PCDHGA3: variants seen among roughly 807,000 people sequenced by gnomAD.
PCDHGA3 encodes protocadherin gamma subfamily A, 3, also known as protocadherin gamma-A3.
Under a neutral mutation model 58.5 loss-of-function variants are expected in PCDHGA3, and 40 were observed. The observed-to-expected ratio is 0.68, with a 90% confidence interval of 0.53 to 0.89. PCDHGA3 has a LOEUF of 0.89. Ranked by LOEUF, PCDHGA3 falls within the 40% of genes least tolerant of loss-of-function variation. PCDHGA3 has a pLI of 0.00. For synonymous variants in PCDHGA3, 530 were observed against 525.7 expected (o/e 1.01, Z -0.11); for missense variants, 1,223 against 1,195.9 (o/e 1.02, Z -0.33).
At position 141,346,330 on chromosome 5, in the gene PCDHGA3, G is replaced by T. The variant is rs771815344; in HGVS notation, c.2297G>T (p.Ser766Ile). The change falls in exon 1 of 4, where the codon AGC becomes ATC. Residue 766 changes from serine (S) to isoleucine (I), a missense_variant. Ser to Ile is a moderately radical substitution (Grantham distance 142). Around this residue, in one of 3 missense-constraint regions of PCDHGA3, gnomAD observed 325 missense variants for 327.5 expected, o/e 0.99. Transcript: ENST00000253812. Reference protein sequence around the residue: ...EVSLTADSRKSHLIFPQPNYA... With the variant: ...EVSLTADSRKIHLIFPQPNYA... ...TCCCTCACTGCGGACTCGCGGAAGA[G>T]CCACCTGATTTTCCCCCAGCCCAAC... is the stretch of plus-strand genomic sequence containing the variant. 1.3e-4 allele frequency: 206 copies of T among 1,614,120 alleles called. 1 individual carries two copies. Among genetic ancestry groups the T allele is most frequent in the Middle Eastern group, 8.2e-4 (5 of 6,084 alleles).
chr5:141,491,616 C>T lies in PCDHGA3; in HGVS notation c.2425-3191C>T. 1 of 1,613,944 alleles carries T rather than the reference C, an allele frequency of 6.2e-7. No homozygotes were observed. Among genetic ancestry groups the T allele is most frequent in the South Asian group, 1.1e-5 (1 of 91,082 alleles). On this transcript the variant is annotated intron_variant, in intron 1 of 3. Coordinates refer to ENST00000253812, the MANE Select transcript of PCDHGA3 (RefSeq NM_018916.4). The surrounding 1 kb of genome is among the most constrained non-coding windows in gnomAD (Gnocchi z 6.9). ...GCAGTGACTTCACTTTTCTAAGACC[C>T]CTCAGCGTTCAGCAGCCCACAGCTC...
Position 141,489,606 on chromosome 5 carries a change from G to A in PCDHGA3, c.2425-5201G>A. The stretch of plus-strand genomic sequence containing the variant: ...TGGAGCTAATCCGTGTAGAGGTAGA[G>A]ATCCTGGATCTCAATGACAACTCTC... On this transcript the variant is annotated intron_variant, in intron 1 of 3. Coordinates refer to ENST00000253812, the MANE Select transcript of PCDHGA3 (RefSeq NM_018916.4). This position sits in a 1 kb window ranked among gnomAD's most constrained non-coding sequence, Gnocchi z 4.5. The A allele has an allele frequency of 6.2e-7, 1 of 1,614,110 alleles. No homozygotes were observed.
rs776923636 is a variant in PCDHGA3, at chr5:141,361,278, A to G, written c.2424+14821A>G. On this transcript the variant is annotated intron_variant, in intron 1 of 3. Coordinates refer to ENST00000253812, the MANE Select transcript of PCDHGA3 (RefSeq NM_018916.4). ...ACAGAGACTCTGGAGAAAATGGAGA[A>G]GTTTACTGCCAAGTGTTGGGAAATG... The G allele has an allele frequency of 1.4e-5, 23 of 1,613,896 alleles. No individual in the cohort carries two copies. In the South Asian group the frequency reaches 2.5e-4, roughly 18 times the overall value.
chr5:141,421,379 A>G, intron 1 of PCDHGA3: 1 of 1,614,054 alleles, frequency 6.2e-7, no homozygotes, highest in Non-Finnish European at 8.5e-7. Flanking sequence ...AATATCTCCA[A>G]GGACCTGGGG....
At chr5:141,376,832 G>T (rs1773425503) in intron 1 of PCDHGA3, 2 of 257,250 alleles carry the variant, frequency 7.8e-6, no homozygotes, top group Non-Finnish European at 1.5e-5. Context: ...GACTACAGGC[G>T]CCCGCCACCG....
At chr5:141,454,283 T>G (rs2098785864) in intron 1 of PCDHGA3, among the ~76,000 whole-genome samples, 1 of 152,134 alleles carries the variant, frequency 6.6e-6, no homozygotes, top group Non-Finnish European at 1.5e-5. Flanking sequence ...AACTTCACAT[T>G]AAAGGAACTC....
At position 141,512,280 on chromosome 5, in the gene PCDHGA3, TGGAAGGGTCAGC is replaced by T. The variant is rs1187119941; in HGVS notation, c.*1111_*1122del. The T allele has an allele frequency of 1.3e-5, 2 of 152,682 alleles. No individual in the cohort carries two copies. Among genetic ancestry groups the T allele is most frequent in the African/African-American group, 2.4e-5 (1 of 41,396 alleles). 9.5% of individuals were successfully genotyped at this position (152,682 alleles called of 1,614,324 possible). ...CTGGGTACTCCAGAGGTGCCACTGGTGGAAGGGTCAGCGGAGCCCCAGCAGGAAGGGTGGGCC... is the reference window on the plus strand; with the variant it reads ...CTGGGTACTCCAGAGGTGCCACTGGTGGAGCCCCAGCAGGAAGGGTGGGCC... On this transcript the variant is annotated 3_prime_UTR_variant, in exon 4 of 4. Transcript: ENST00000253812.
chr5:141,431,799 T>A lies in PCDHGA3; in HGVS notation c.2425-63008T>A. 6.2e-7 allele frequency: 1 copy of A among 1,614,228 alleles called. No homozygotes were observed. The highest frequency in any genetic ancestry group is 8.5e-7 in the Non-Finnish European group (1 of 1,180,036). On this transcript the variant is annotated intron_variant, in intron 1 of 3. Transcript: ENST00000253812. This position sits in a 1 kb window ranked among gnomAD's most constrained non-coding sequence, Gnocchi z 4.8. ...GACGTGAACGACAATGCCCCAGAAG[T>A]GGTCCTCACCTCTCTCGCCAGCTCG...
chr5:141,413,157 A>T, intron 1 of PCDHGA3: 2 of 1,578,898 alleles, frequency 1.3e-6, no homozygotes, highest in Non-Finnish European at 1.7e-6. Flanking sequence ...ACTTTGCAGA[A>T]TTCTGTAACC....
intron 1 of PCDHGA3, chr5:141,411,436 T>C (rs2095489663): frequency 6.7e-6 from 1 of 149,586 alleles, no homozygotes; most frequent in South Asian, 2.1e-4. Flanking sequence ...AAAAAAACAT[T>C]AGCAGAGTGT....
chr5:141,502,535 G>A (rs910160644), intron 2 of PCDHGA3, among the ~76,000 whole-genome samples: 14 of 152,172 alleles, frequency 9.2e-5, no homozygotes, highest in South Asian at 2.1e-4. Flanking sequence ...GAGTTTGTTC[G>A]TGTGGTAAAA....
intron 1 of PCDHGA3, chr5:141,394,825 T>G: frequency 6.2e-7 from 1 of 1,613,802 alleles, no homozygotes; most frequent in Non-Finnish European, 8.5e-7. Flanking sequence ...ATCCCCGAAG[T>G]CCTGACCGAG....
chr5:141,360,738 CAG>C lies in PCDHGA3; in HGVS notation c.2424+14285_2424+14286del, dbSNP rs754230241. 7.4e-6 allele frequency: 12 copies of C among 1,613,846 alleles called. No individual in the cohort carries two copies. In the Admixed American group the frequency reaches 1.8e-4, roughly 25 times the overall value. On this transcript the variant is annotated intron_variant, in intron 1 of 3. Transcript: ENST00000253812. ...AGTTGATTCTAAAACACTCTCTGGA[CAG>C]AGAAGAGCACAGTTTACATCAATTG...
chr5:141,417,682 AAAAG>A (rs2096147308), intron 1 of PCDHGA3: 2 of 1,035,494 alleles, frequency 1.9e-6, no homozygotes, highest in Non-Finnish European at 2.7e-6. Context: ...CCAACAACAG[AAAAG>A]AAAACCAGCT....
intron 1 of PCDHGA3, chr5:141,415,634 C>T: frequency 6.3e-7 from 1 of 1,589,948 alleles, no homozygotes; most frequent in East Asian, 2.3e-5. Flanking sequence ...TTCATTTTTA[C>T]TTTTGTTAAA....
At chr5:141,399,641 C>G in intron 1 of PCDHGA3, 1 of 1,613,852 alleles carries the variant, frequency 6.2e-7, no homozygotes, top group Non-Finnish European at 8.5e-7. Context: ...TCCATGAGCG[C>G]GCAAAGTGGG....
rs1230185523 is a variant in PCDHGA3, at chr5:141,413,155, G to C, written c.2424+66698G>C. 10 of 1,576,552 alleles carry C rather than the reference G, an allele frequency of 6.3e-6. No individual in the cohort carries two copies. The South Asian group carries it at 1.2e-4, about 18-fold the overall frequency. ...CAACGTGTCCAGTGAGGACTTTGCA[G>C]AATTCTGTAACCAGACTACAATGGC... On this transcript the variant is annotated intron_variant, in intron 1 of 3. Coordinates refer to ENST00000253812, the MANE Select transcript of PCDHGA3 (RefSeq NM_018916.4).
Position 141,491,324 on chromosome 5 carries a change from T to C in PCDHGA3, c.2425-3483T>C, listed in dbSNP as rs762200164. 16 of 1,614,060 alleles carry C rather than the reference T, an allele frequency of 9.9e-6. No homozygotes were observed. The highest frequency in any genetic ancestry group is 8.3e-5 in the Admixed American group (5 of 60,010). On this transcript the variant is annotated intron_variant, in intron 1 of 3. Transcript: ENST00000253812. This position sits in a 1 kb window ranked among gnomAD's most constrained non-coding sequence, Gnocchi z 6.9. ...CGTTCAGACCTTACCCTTTACCTCA[T>C]TGTGGCTCTAGCGACCGTCAGTCTC...
chr5:141,417,828 A>G (rs1439385565), intron 1 of PCDHGA3: 1 of 1,521,792 alleles, frequency 6.6e-7, no homozygotes, highest in Non-Finnish European at 8.8e-7. Context: ...CCAACTGGAA[A>G]AGCGGGGACC....
Sources: allele counts gnomAD v4.1 joint callset (sites outside exome capture counted in the v4.1 genomes callset), GRCh38; gene constraint gnomAD v4.1.1; regional missense constraint gnomAD v4.1.1; non-coding constraint Gnocchi (gnomAD v3.1); transcripts MANE v1.5; gene names NCBI Gene and HGNC (gene_info 2026-07-23, HGNC 2026-07-21).